Variants in GRIK2 observed in about 807,000 individuals in gnomAD.
GRIK2 encodes the protein glutamate ionotropic receptor kainate type subunit 2, also known as glutamate receptor ionotropic, kainate 2.
GRIK2 carries 32 observed loss-of-function variants against 100.3 expected under a neutral mutation model. The observed-to-expected ratio is 0.32, with a 90% CI of 0.24 to 0.43. GRIK2 has a LOEUF of 0.43. Ranked by LOEUF, GRIK2 falls within the 20% of genes least tolerant of loss-of-function variation. The pLI is 1.00. For missense variants in GRIK2, 843 were observed against 1,114.9 expected (o/e 0.76, Z 3.47); for synonymous variants, 417 against 389.4 (o/e 1.07, Z -0.83).
intron 7 of GRIK2, among the ~76,000 whole-genome samples, chr6:101,738,149 A>G (rs942021986): frequency 7.5e-6 from 1 of 133,092 alleles, no homozygotes; most frequent in Non-Finnish European, 1.6e-5. Flanking sequence ...CAATTGACAC[A>G]TTAAATGTCA....
chr6:101,464,509 T>C (rs147223277), intron 2 of GRIK2, among the ~76,000 whole-genome samples: 22 of 71,662 alleles, frequency 3.1e-4, no homozygotes, highest in East Asian at 1.6e-3. Flanking sequence ...TTTTTTTTTT[T>C]TTTTTTTTTT....
At chr6:101,738,479 T>G (rs557759855) in intron 7 of GRIK2, among the ~76,000 whole-genome samples, 281 of 152,314 alleles carry the variant, frequency 1.8e-3, no homozygotes, top group Middle Eastern at 3.4e-3. Context: ...CAGTTTTGTA[T>G]TTTTCCCCTG....
At chr6:102,029,876 C>T (rs866792976) in intron 14 of GRIK2, among the ~76,000 whole-genome samples, 6 of 151,200 alleles carry the variant, frequency 4.0e-5, no homozygotes, top group African/African-American at 1.2e-4. Flanking sequence ...TGCACAGAGC[C>T]AGGCTGAGTC....
At chr6:101,661,207 C>G (rs1216943311) in intron 4 of GRIK2, among the ~76,000 whole-genome samples, 1 of 152,168 alleles carries the variant, frequency 6.6e-6, no homozygotes, top group Non-Finnish European at 1.5e-5. Context: ...GATCTGGCCA[C>G]TGTGGCTTTG....
intron 2 of GRIK2, among the ~76,000 whole-genome samples, chr6:101,446,774 T>C (rs1235002425): frequency 6.8e-6 from 1 of 146,524 alleles, no homozygotes; most frequent in African/African-American, 2.5e-5. Context: ...CCAAAACAAT[T>C]TTCAAAACAC....
At chr6:102,058,239 A>C (rs1021015006) in intron 16 of GRIK2, among the ~76,000 whole-genome samples, 6 of 151,604 alleles carry the variant, frequency 4.0e-5, no homozygotes, top group Admixed American at 2.6e-4. Flanking sequence ...GTGCCTTTTC[A>C]CATATTAAAT....
intron 14 of GRIK2, among the ~76,000 whole-genome samples, chr6:102,033,041 G>A (rs1037708426): frequency 3.3e-5 from 5 of 151,110 alleles, no homozygotes; most frequent in Non-Finnish European, 5.9e-5. Flanking sequence ...CCACTAAGTA[G>A]CCATATAATT....
chr6:101,509,129 G>A (rs1482160663), intron 2 of GRIK2, among the ~76,000 whole-genome samples: 1 of 141,272 alleles, frequency 7.1e-6, no homozygotes, highest in Non-Finnish European at 1.5e-5. Flanking sequence ...CTGCACTCCA[G>A]TCTGGGTGAC....
intron 7 of GRIK2, among the ~76,000 whole-genome samples, chr6:101,772,152 A>G (rs1285073068): frequency 6.6e-6 from 1 of 151,998 alleles, no homozygotes; most frequent in Non-Finnish European, 1.5e-5. Context: ...TCAGAGGGAG[A>G]TATAAAGGTG....
chr6:101,758,151 A>G (rs1296633182), intron 7 of GRIK2, among the ~76,000 whole-genome samples: 2 of 152,156 alleles, frequency 1.3e-5, no homozygotes, highest in Non-Finnish European at 2.9e-5. Flanking sequence ...TGAGCCTGGG[A>G]GAGGGAGGTT....
At chr6:102,001,027 G>A (rs1483981298) in intron 14 of GRIK2, among the ~76,000 whole-genome samples, 4 of 151,432 alleles carry the variant, frequency 2.6e-5, no homozygotes, top group African/African-American at 9.7e-5. Context: ...ATATAATTGA[G>A]CTGAATTTTG....
chr6:101,964,710 T>C (rs529561564), intron 14 of GRIK2, among the ~76,000 whole-genome samples: 1 of 152,270 alleles, frequency 6.6e-6, no homozygotes, highest in African/African-American at 2.4e-5. Context: ...AATTCTGGCC[T>C]GGGGAAGCTG....
At chr6:101,889,601 C>G in intron 11 of GRIK2, 39 bp from the exon 12 acceptor site, 1 of 1,017,512 alleles carries the variant, frequency 9.8e-7, no homozygotes, top group Non-Finnish European at 1.4e-6. Flanking sequence ...CTCTTTCTTT[C>G]TTTCTTTTTT....
At chr6:101,547,106 C>A (rs1177453785) in intron 2 of GRIK2, among the ~76,000 whole-genome samples, 1 of 152,010 alleles carries the variant, frequency 6.6e-6, no homozygotes. Context: ...GCTGGGATTA[C>A]AGGCGTGAGC....
At chr6:102,027,762 T>C (rs1769780536) in intron 14 of GRIK2, among the ~76,000 whole-genome samples, 1 of 151,054 alleles carries the variant, frequency 6.6e-6, no homozygotes, top group Admixed American at 6.6e-5. Context: ...GAGCATAAGA[T>C]GGTTTCTAAA....
rs1022498066 is a variant in GRIK2 at position 102,025,275 on chromosome 6, A to G, written c.2086-10066A>G. Reference sequence around the variant, plus strand: ...AGACACTGTTCCAGATACAAGAGCTATAAGGATAGGGGAAAATCCTTGCAT... The same window carrying G: ...AGACACTGTTCCAGATACAAGAGCTGTAAGGATAGGGGAAAATCCTTGCAT... On this transcript the variant is annotated intron_variant, in intron 14 of 16. Transcript: ENST00000369134. 5.9e-5 allele frequency among the ~76,000 whole-genome samples: 9 copies of G among 151,374 alleles called. No individual in the cohort carries two copies. The East Asian group carries it at 7.8e-4, about 13-fold the overall frequency.
At chr6:101,786,162 T>C (rs745713137) in intron 7 of GRIK2, among the ~76,000 whole-genome samples, 8 of 152,162 alleles carry the variant, frequency 5.3e-5, no homozygotes, top group Non-Finnish European at 7.4e-5. Flanking sequence ...GTTGATTTTG[T>C]GTTCTACAAC....
At chr6:101,720,300 C>T (rs1583019897) in intron 7 of GRIK2, among the ~76,000 whole-genome samples, 2 of 151,926 alleles carry the variant, frequency 1.3e-5, no homozygotes, top group East Asian at 3.9e-4. Flanking sequence ...TATACTTTTA[C>T]CATTTAAAAC....
intron 8 of GRIK2, 69 bp downstream of exon 8, chr6:101,799,860 G>T (rs1780564658): frequency 1.2e-5 from 15 of 1,285,062 alleles, no homozygotes; most frequent in Admixed American, 3.7e-5. Flanking sequence ...GATTATTGTG[G>T]TTTTTCTAGC....
Sources: gnomAD v4.1 joint callset for allele counts (sites outside exome capture counted in the v4.1 genomes callset) on GRCh38, gnomAD v4.1.1 for gene constraint, MANE v1.5 for transcripts, NCBI Gene and HGNC (gene_info 2026-07-23, HGNC 2026-07-21) for gene names.